CYRIB: variants seen among roughly 807,000 people sequenced by gnomAD.
CYRIB encodes the protein CYFIP-related Rac1 interactor B.
CYRIB carries 8 observed loss-of-function variants against 44.2 expected under a neutral mutation model. The ratio of observed to expected loss-of-function variants is 0.18; its 90% CI spans 0.11 to 0.33. The LOEUF is 0.33. Among genes scored for constraint, CYRIB ranks in the 10% least tolerant of loss-of-function variants. The pLI is 1.00. For missense variants in CYRIB, 185 were observed against 382.8 expected, an observed-to-expected ratio of 0.48 and a Z score of 4.31; for synonymous variants, 131 against 127.2, an observed-to-expected ratio of 1.03 and a Z score of -0.20.
chr8:130,015,741 A>G (rs1468192319), intron 1 of CYRIB, among the ~76,000 whole-genome samples: 2 of 152,248 alleles, frequency 1.3e-5, no homozygotes, highest in Non-Finnish European at 2.9e-5. Flanking sequence ...CTGCAAGGGC[A>G]CCCACCCGCT....
chr8:129,986,338 CCACT>C, intron 1 of CYRIB, among the ~76,000 whole-genome samples: 1 of 152,188 alleles, frequency 6.6e-6, no homozygotes, highest in East Asian at 1.9e-4. Flanking sequence ...CTCCTCTAGG[CCACT>C]CACTCTATCC....
chr8:129,894,954 G>C (rs1410463796), intron 2 of CYRIB, among the ~76,000 whole-genome samples: 1 of 146,996 alleles, frequency 6.8e-6, no homozygotes, highest in South Asian at 2.1e-4. Context: ...TTATTTTTTT[G>C]AGACAGGGTC....
chr8:129,884,880 A>G (rs1457082630), intron 2 of CYRIB, among the ~76,000 whole-genome samples: 1 of 152,164 alleles, frequency 6.6e-6, no homozygotes, highest in Non-Finnish European at 1.5e-5. Flanking sequence ...GAGCCCTTAC[A>G]TTAGACATTT....
exon 12 of CYRIB, chr8:129,840,401 T>C (rs1465902282): frequency 6.6e-6 from 1 of 152,242 alleles, no homozygotes; most frequent in East Asian, 1.9e-4. Context: ...GAGCTAGTCA[T>C]TGAATTTAGG....
At chr8:129,999,402 T>C (rs993516208) in intron 1 of CYRIB, among the ~76,000 whole-genome samples, 2 of 151,904 alleles carry the variant, frequency 1.3e-5, no homozygotes, top group Non-Finnish European at 2.9e-5. Flanking sequence ...GAACACAGAG[T>C]GAGCAAATGG....
intron 1 of CYRIB, among the ~76,000 whole-genome samples, chr8:129,997,412 C>T (rs568052235): frequency 6.6e-6 from 1 of 152,124 alleles, no homozygotes; most frequent in African/African-American, 2.4e-5. Flanking sequence ...TCTATAAACA[C>T]AGACCCAAAA....
intron 1 of CYRIB, among the ~76,000 whole-genome samples, chr8:129,935,579 C>T (rs906655107): frequency 5.3e-5 from 8 of 152,318 alleles, no homozygotes; most frequent in Admixed American, 2.0e-4. Flanking sequence ...AAACAGGCCA[C>T]GGCCCAGGGG....
At chr8:129,921,582 A>T (rs2083618508) in intron 1 of CYRIB, among the ~76,000 whole-genome samples, 1 of 151,906 alleles carries the variant, frequency 6.6e-6, no homozygotes, top group South Asian at 2.1e-4. Context: ...TAATTTTTGT[A>T]TTTTTTTTGG....
intron 1 of CYRIB, among the ~76,000 whole-genome samples, chr8:129,990,323 G>T (rs2133271959): frequency 1.3e-5 from 2 of 152,214 alleles, no homozygotes; most frequent in East Asian, 3.9e-4. Flanking sequence ...ACACACACAT[G>T]CATATGCATG....
chr8:129,941,337 G>A (rs1439827369), upstream of CYRIB, among the ~76,000 whole-genome samples: 4 of 147,846 alleles, frequency 2.7e-5, no homozygotes, highest in Admixed American at 2.1e-4. Context: ...ACAGTGGCGC[G>A]ATATCGGCTC....
chr8:129,898,518 T>C (rs959465423), intron 2 of CYRIB, among the ~76,000 whole-genome samples: 1 of 152,156 alleles, frequency 6.6e-6, no homozygotes, highest in East Asian at 1.9e-4. Context: ...TTTTCAACAG[T>C]TTGTCAGGTC....
intron 1 of CYRIB, among the ~76,000 whole-genome samples, chr8:129,988,153 C>G (rs1252548923): frequency 1.3e-5 from 2 of 152,218 alleles, no homozygotes; most frequent in Non-Finnish European, 2.9e-5. Flanking sequence ...TCTCCTGTAA[C>G]AGGAAGTCTC....
chr8:129,943,091 C>CCCCCCCCCCCG (rs2093849004), upstream of CYRIB, among the ~76,000 whole-genome samples: 261 of 132,410 alleles, frequency 2.0e-3, no homozygotes, highest in African/African-American at 3.3e-3. Flanking sequence ...CGCCCACCCG[C>CCCCCCCCCCCG]CCCCCCGCAC....
intron 9 of CYRIB, chr8:129,850,141 T>G (rs909401632): frequency 2.0e-5 from 3 of 152,248 alleles, no homozygotes; most frequent in Admixed American, 2.0e-4. Context: ...CCCTCCTATT[T>G]CATAAGGTTT....
intron 2 of CYRIB, among the ~76,000 whole-genome samples, chr8:129,883,744 T>C (rs920169487): frequency 2.6e-5 from 4 of 152,156 alleles, no homozygotes; most frequent in Non-Finnish European, 5.9e-5. Context: ...CTTCCAAACT[T>C]TGTGACTTCA....
At chr8:129,917,954 T>G (rs540588800) in intron 1 of CYRIB, among the ~76,000 whole-genome samples, 17 of 152,288 alleles carry the variant, frequency 1.1e-4, no homozygotes, top group Admixed American at 3.9e-4. Flanking sequence ...TATTAGAAAA[T>G]CCACCCTACT....
At chr8:129,879,291 G>A in intron 3 of CYRIB, 98 bp downstream of exon 5, 1 of 787,042 alleles carries the variant, frequency 1.3e-6, no homozygotes, top group Non-Finnish European at 2.2e-6. Context: ...GTCATGCAAA[G>A]CAGTTAAAAA....
intron 2 of CYRIB, among the ~76,000 whole-genome samples, chr8:129,898,891 C>A (rs2069811290): frequency 6.6e-6 from 1 of 150,532 alleles, no homozygotes; most frequent in Non-Finnish European, 1.5e-5. Context: ...TTTTTGGAGT[C>A]TCACTCTGTC....
intron 1 of CYRIB, among the ~76,000 whole-genome samples, chr8:130,015,237 T>C (rs2097314465): frequency 6.6e-6 from 1 of 152,152 alleles, no homozygotes; most frequent in Admixed American, 6.5e-5. Context: ...CACCACCCAC[T>C]CGTTCATCTC....
Sources: gnomAD v4.1 joint callset for allele counts (sites outside exome capture counted in the v4.1 genomes callset) on GRCh38, gnomAD v4.1.1 for gene constraint, MANE v1.5 for transcripts, NCBI Gene and HGNC (gene_info 2026-07-23, HGNC 2026-07-21) for gene names.